SLC22A15: variants seen among roughly 807,000 people sequenced by gnomAD.
The protein encoded by SLC22A15 is flipt 1.
Under a neutral mutation model 62.7 loss-of-function variants are expected in SLC22A15, and 45 were observed. The observed-to-expected ratio is 0.72, with a 90% confidence interval of 0.56 to 0.92. The LOEUF (loss-of-function observed/expected upper bound fraction) is 0.92. Among genes scored for constraint, SLC22A15 ranks in the 40% least tolerant of loss-of-function variants. The pLI, the probability that SLC22A15 is intolerant of heterozygous loss-of-function variation, is 0.00. For missense variants in SLC22A15, 622 were observed against 665.6 expected (o/e 0.93, Z 0.72); for synonymous variants, 264 against 267.0 (o/e 0.99, Z 0.11).
Position 115,983,398 on chromosome 1 carries a change from G to A in SLC22A15, c.87+6684G>A, listed in dbSNP as rs565205969. On this transcript the variant is annotated intron_variant, in intron 1 of 11. Coordinates refer to ENST00000369503, the MANE Select transcript of SLC22A15 (RefSeq NM_018420.3). ...ATGTTGTGTCAGTCATAGTTCTACT[G>A]GAGAAGCAGGACCCCTAGGATGGAG... Among the ~76,000 whole-genome samples, 3 of 152,278 alleles carry A rather than the reference G, an allele frequency of 2.0e-5. No homozygotes were observed. The East Asian group carries it at 5.8e-4, about 29-fold the overall frequency.
rs1422602304 is a variant in SLC22A15 at position 116,055,206 on chromosome 1, A to G, written c.1172-7556A>G. On this transcript the variant is annotated intron_variant, in intron 8 of 11. Transcript: ENST00000369503. The stretch of plus-strand genomic sequence containing the variant: ...GAGAAGAATCAAATAGACGCAATAA[A>G]AAATGATAAAGGGGATATCACCACC... Among the ~76,000 whole-genome samples the G allele has an allele frequency of 7.2e-5, 11 of 152,210 alleles. No homozygotes were observed. The East Asian group carries it at 1.7e-3, about 24-fold the overall frequency.
intron 8 of SLC22A15, among the ~76,000 whole-genome samples, chr1:116,044,729 G>A (rs1440820899): frequency 6.6e-6 from 1 of 151,866 alleles, no homozygotes; most frequent in Non-Finnish European, 1.5e-5. Flanking sequence ...CTACATATTA[G>A]CAACAAACAG....
chr1:116,062,788 A>G lies in SLC22A15; in HGVS notation c.1198A>G (p.Ser400Gly), dbSNP rs759298124. 2.5e-6 allele frequency: 4 copies of G among 1,613,930 alleles called. No individual in the cohort carries two copies. The East Asian group carries it at 8.9e-5, about 36-fold the overall frequency. ...CACAGGTGTGTTTGCAGTGGTGAAC[A>G]GCCATTCCTTGTCCTTGCTGGGGAA... ...KDTGVFAVVNSHSLSLLGKLT... is the reference protein window; with the variant it reads ...KDTGVFAVVNGHSLSLLGKLT... Residue 400 changes from serine (S) to glycine (G), a missense_variant, in exon 9 of 12, where the codon AGC becomes GGC. Coordinates refer to ENST00000369503, the MANE Select transcript of SLC22A15 (RefSeq NM_018420.3).
intron 4 of SLC22A15, among the ~76,000 whole-genome samples, chr1:116,023,449 G>A (rs1220707807): frequency 1.3e-5 from 2 of 152,168 alleles, no homozygotes; most frequent in Non-Finnish European, 2.9e-5. Flanking sequence ...AAGAATACAT[G>A]TAGTCCTATT....
chr1:115,995,235 GTCCCT>G (rs1230891801), intron 2 of SLC22A15, among the ~76,000 whole-genome samples: 1 of 152,040 alleles, frequency 6.6e-6, no homozygotes, highest in African/African-American at 2.4e-5. Context: ...ATTCTCCCCT[GTCCCT>G]GTCAGTTACT....
At chr1:115,991,161 C>T (rs143232493) in intron 1 of SLC22A15, among the ~76,000 whole-genome samples, 2 of 152,276 alleles carry the variant, frequency 1.3e-5, no homozygotes, top group East Asian at 3.9e-4. Flanking sequence ...TTGAAATAAT[C>T]GTCCAACAAT....
intron 1 of SLC22A15, among the ~76,000 whole-genome samples, chr1:115,988,073 T>G (rs1485543172): frequency 6.6e-6 from 1 of 152,222 alleles, no homozygotes; most frequent in African/African-American, 2.4e-5. Flanking sequence ...ATTTTAGTCA[T>G]TTTTCTAATT....
At chr1:116,048,776 C>A (rs988847423) in intron 8 of SLC22A15, among the ~76,000 whole-genome samples, 1 of 152,136 alleles carries the variant, frequency 6.6e-6, no homozygotes, top group African/African-American at 2.4e-5. Context: ...ATGTAAATGG[C>A]CTAACTGCTC....
intron 5 of SLC22A15, among the ~76,000 whole-genome samples, chr1:116,030,230 A>G (rs372874185): frequency 1.3e-5 from 2 of 152,184 alleles, no homozygotes; most frequent in East Asian, 3.8e-4. Flanking sequence ...GGTTTCCAGC[A>G]TCTTTCCTTT....
intron 2 of SLC22A15, among the ~76,000 whole-genome samples, chr1:116,016,799 A>G (rs1241469394): frequency 6.6e-6 from 1 of 152,106 alleles, no homozygotes; most frequent in African/African-American, 2.4e-5. Flanking sequence ...ACAACATCTG[A>G]CAGTCCTGCC....
intron 2 of SLC22A15, among the ~76,000 whole-genome samples, chr1:116,001,744 A>C (rs1053323241): frequency 1.3e-5 from 2 of 152,006 alleles, no homozygotes; most frequent in Admixed American, 1.3e-4. Flanking sequence ...TCTCTGAGTT[A>C]TCTTGGATTT....
At chr1:115,978,267 T>C (rs193124636) in intron 1 of SLC22A15, among the ~76,000 whole-genome samples, 1 of 152,286 alleles carries the variant, frequency 6.6e-6, no homozygotes, top group African/African-American at 2.4e-5. Context: ...ATCCACTAAC[T>C]TGGAGTAAGT....
Position 116,067,234 on chromosome 1 carries a change from C to T in SLC22A15, c.*126C>T. On this transcript the variant is annotated 3_prime_UTR_variant, in exon 12 of 12. Transcript: ENST00000369503. Reference sequence around the variant, plus strand: ...TTGGCTTGAATGTACATAGATGGTACCTGGCATGGACTGATGTTTTTAGGC... The same window carrying T: ...TTGGCTTGAATGTACATAGATGGTATCTGGCATGGACTGATGTTTTTAGGC... The T allele has an allele frequency of 1.4e-6, 1 of 706,350 alleles. No individual in the cohort carries two copies. Among genetic ancestry groups the T allele is most frequent in the Non-Finnish European group, 2.4e-6 (1 of 410,408 alleles). 43.8% of individuals were successfully genotyped at this position (706,350 alleles called of 1,614,324 possible). A position where few individuals can be genotyped will look rare whatever the true frequency, so the allele number is the denominator to read the frequency against.
chr1:116,029,028 A>G (rs115879177), intron 5 of SLC22A15, among the ~76,000 whole-genome samples: 2,721 of 152,102 alleles, frequency 0.018, 33 homozygotes, highest in Middle Eastern at 0.065. Flanking sequence ...TCTCTTTCTA[A>G]ACTGAGAGCT....
At chr1:116,061,816 TA>T (rs1658386637) in intron 8 of SLC22A15, among the ~76,000 whole-genome samples, 1 of 152,188 alleles carries the variant, frequency 6.6e-6, no homozygotes, top group African/African-American at 2.4e-5. Flanking sequence ...GCATTTTAAA[TA>T]AAAGCATTAC....
At chr1:116,026,582 C>T (rs550191930) in intron 4 of SLC22A15, among the ~76,000 whole-genome samples, 1 of 152,312 alleles carries the variant, frequency 6.6e-6, no homozygotes, top group South Asian at 2.1e-4. Flanking sequence ...GCCAGAGGTT[C>T]AGGCAAATGT....
chr1:116,053,573 G>A (rs1315479750), intron 8 of SLC22A15, among the ~76,000 whole-genome samples: 2 of 152,094 alleles, frequency 1.3e-5, no homozygotes, highest in African/African-American at 4.8e-5. Flanking sequence ...AATACTCCTC[G>A]AGAAGAGCAA....
chr1:116,033,770 C>T (rs1334118473), intron 6 of SLC22A15, among the ~76,000 whole-genome samples: 3 of 152,158 alleles, frequency 2.0e-5, no homozygotes, highest in Non-Finnish European at 4.4e-5. Context: ...ACCTGGGAGA[C>T]AGTGAGAACA....
intron 8 of SLC22A15, among the ~76,000 whole-genome samples, chr1:116,060,763 C>T (rs909700025): frequency 6.6e-6 from 1 of 152,100 alleles, no homozygotes. Flanking sequence ...AAACATATCT[C>T]AGGGTAAATG....
Sources: gnomAD v4.1 joint callset for allele counts (sites outside exome capture counted in the v4.1 genomes callset) on GRCh38, gnomAD v4.1.1 for gene constraint, MANE v1.5 for transcripts, NCBI Gene and HGNC (gene_info 2026-07-23, HGNC 2026-07-21) for gene names.